CSE1L: variants seen among roughly 807,000 people sequenced by gnomAD.
CSE1L encodes the protein chromosome segregation 1 like, also known as exportin-2.
CSE1L carries 24 observed loss-of-function variants against 120.4 expected under a neutral mutation model. The ratio of observed to expected loss-of-function variants is 0.20; its 90% CI spans 0.14 to 0.28. The LOEUF is 0.28. Ranked by LOEUF, CSE1L falls within the 10% of genes least tolerant of loss-of-function variation. The probability of loss-of-function intolerance (pLI) is 1.00; values close to 1 mark genes in which losing one functional copy is unlikely to be tolerated. For missense variants in CSE1L, 830 were observed against 1,145.2 expected, an observed-to-expected ratio of 0.72 and a Z score of 3.97; for synonymous variants, 402 against 398.3, an observed-to-expected ratio of 1.01 and a Z score of -0.11.
intron 14 of CSE1L, among the ~76,000 whole-genome samples, chr20:49,081,978 T>A (rs1002209712): frequency 1.3e-5 from 2 of 152,218 alleles, no homozygotes; most frequent in African/African-American, 4.8e-5. Flanking sequence ...CCTTTCTCTC[T>A]ATAGGTAATT....
At chr20:49,080,261 ATTTTTTTTGTTTTT>A (rs1275646665) in intron 14 of CSE1L, among the ~76,000 whole-genome samples, 2 of 129,158 alleles carry the variant, frequency 1.5e-5, no homozygotes, top group Non-Finnish European at 3.4e-5. Context: ...GTTTTTTTTT[ATTTTTTTTGTTTTT>A]TTTTTTTTGC....
In CSE1L at chr20:49,068,730, T is replaced by C; in HGVS notation, c.583T>C (p.Cys195Arg). The change falls in exon 7 of 25, where the codon TGC becomes CGC. Residue 195 changes from cysteine to arginine, a missense_variant. By Grantham distance (180) the Cys-to-Arg change is radical (BLOSUM62 -3). This residue lies in a region of CSE1L where 543 missense variants were observed against 640.2 expected (regional missense o/e 0.85). Coordinates refer to ENST00000262982, the MANE Select transcript of CSE1L (RefSeq NM_001316.4). Reference protein sequence around the residue: ...TNLFKATIELCSTHANDASAL... With the variant: ...TNLFKATIELRSTHANDASAL... Reference sequence around the variant, plus strand: ...CCTTTCCAAGGCCACTATTGAACTCTGCAGTACCCATGCAAATGATGCCTC... The same window carrying C: ...CCTTTCCAAGGCCACTATTGAACTCCGCAGTACCCATGCAAATGATGCCTC... 1 of 1,613,534 alleles carries C rather than the reference T, an allele frequency of 6.2e-7. No individual in the cohort carries two copies. The highest frequency in any genetic ancestry group is 8.5e-7 in the Non-Finnish European group (1 of 1,179,376).
chr20:49,066,441 A>C lies in CSE1L; in HGVS notation c.407A>C (p.Asn136Thr). Residue 136 changes from asparagine (N) to threonine (T), a missense_variant, in exon 5 of 25, where the codon AAT becomes ACT. Transcript: ENST00000262982. ...CCTGACTTGCTGACAGAAATGGTGA[A>C]TCGCTTTCAGAGTGGAGATTTCCAT... Reference protein sequence around the residue: ...KWPDLLTEMVNRFQSGDFHVI... With the variant: ...KWPDLLTEMVTRFQSGDFHVI... 3 of 1,614,190 alleles carry C rather than the reference A, an allele frequency of 1.9e-6. No homozygotes were observed. Among genetic ancestry groups the C allele is most frequent in the Non-Finnish European group, 2.5e-6 (3 of 1,179,998 alleles).
Position 49,047,564 on chromosome 20 carries a change from C to CTTTTTT in CSE1L, c.-12+1164_-12+1169dup, listed in dbSNP as rs59986218. 7.8e-3 allele frequency among the ~76,000 whole-genome samples: 546 copies of CTTTTTT among 69,820 alleles called. 28 individuals carry two copies. The highest frequency in any genetic ancestry group is 9.9e-3 in the Non-Finnish European group (380 of 38,480). The allele number at this position is 69,820 out of a possible 152,430, so 45.8% of individuals were successfully genotyped here. On this transcript the variant is annotated intron_variant, in intron 1 of 24. Coordinates refer to ENST00000262982, the MANE Select transcript of CSE1L (RefSeq NM_001316.4). ...TCTTTTTCTTTTTCTTTTCTCTTTT[C>CTTTTTT]TTTTTTTTTTTTTTTTTTTTTTTTT...
rs2091973557 is a variant in CSE1L at position 49,076,997 on chromosome 20, A to T, written c.1353A>T (p.Ala451=). The T allele has an allele frequency of 1.2e-6, 2 of 1,605,420 alleles. No homozygotes were observed. Among genetic ancestry groups the T allele is most frequent in the South Asian group, 2.2e-5 (2 of 89,070 alleles). ...CTTTTCAGCATGGAATTACACAAGCAAATGAACTTGTAAACCTAACTGAGT... is the reference window on the plus strand; with the variant it reads ...CTTTTCAGCATGGAATTACACAAGCTAATGAACTTGTAAACCTAACTGAGT... The part of the protein sequence containing the change: ...AQTQKHGITQ[A]NELVNLTEFF... The change falls in exon 13 of 25, where the codon GCA becomes GCT. Residue 451 remains alanine (A), a synonymous_variant. Transcript: ENST00000262982.
chr20:49,095,884 C>T (rs543064433), intron 24 of CSE1L, among the ~76,000 whole-genome samples: 43 of 151,926 alleles, frequency 2.8e-4, no homozygotes, highest in African/African-American at 9.9e-4. Flanking sequence ...ATGTGTGTGG[C>T]GTGTGTATAT....
intron 7 of CSE1L, among the ~76,000 whole-genome samples, chr20:49,069,344 T>A (rs576344474): frequency 6.6e-5 from 10 of 152,240 alleles, no homozygotes; most frequent in Non-Finnish European, 1.2e-4. Context: ...AGTTACCCTG[T>A]TGCTACTGAG....
chr20:49,073,472 T>C (rs1341681225), intron 10 of CSE1L, among the ~76,000 whole-genome samples: 1 of 151,996 alleles, frequency 6.6e-6, no homozygotes, highest in Non-Finnish European at 1.5e-5. Flanking sequence ...GAACAAGTAA[T>C]GAAGGTGGGA....
Position 49,085,363 on chromosome 20 carries a change from C to A in CSE1L, c.1700C>A (p.Ser567Ter). 6.2e-7 allele frequency: 1 copy of A among 1,613,570 alleles called. No individual in the cohort carries two copies. The highest frequency in any genetic ancestry group is 1.1e-5 in the South Asian group (1 of 91,070). ...LFKALTLPGS[S>*]ENEYIMKAIM... is the part of the protein sequence containing the mutation. ...AAAGCTCTCACACTTCCTGGCTCTTCAGAAAATGAATATATTATGAAAGGT... is the reference window on the plus strand; with the variant it reads ...AAAGCTCTCACACTTCCTGGCTCTTAAGAAAATGAATATATTATGAAAGGT... The change falls in exon 16 of 25, where the codon TCA becomes TAA. Residue 567 changes from serine to a stop codon, truncating the protein, a stop_gained. Transcript: ENST00000262982. LOFTEE classifies it high-confidence loss of function.
rs200581090 is a variant in CSE1L at position 49,066,193 on chromosome 20, T to C, written c.230T>C (p.Val77Ala). ...CCTCAGTTACTGCTTTGCTTTTAGGTTGAAGATGAACCAAACAAAATTTGT... is the reference window on the plus strand; with the variant it reads ...CCTCAGTTACTGCTTTGCTTTTAGGCTGAAGATGAACCAAACAAAATTTGT... ...KNYIKRNWRI[V>A]EDEPNKICEA... is the part of the protein sequence containing the mutation. Residue 77 changes from valine to alanine, a missense_variant and splice_region_variant, in exon 4 of 25, where the codon GTT (valine) becomes GCT (alanine). Val to Ala is a moderately conservative substitution (Grantham distance 64). Coordinates refer to ENST00000262982, the MANE Select transcript of CSE1L (RefSeq NM_001316.4). 2.5e-6 allele frequency: 4 copies of C among 1,613,984 alleles called. No homozygotes were observed. Among genetic ancestry groups the C allele is most frequent in the Non-Finnish European group, 3.4e-6 (4 of 1,179,872 alleles).
intron 8 of CSE1L, 56 bp from the exon 9 acceptor site, chr20:49,072,230 T>C: frequency 6.4e-7 from 1 of 1,571,104 alleles, no homozygotes; most frequent in East Asian, 2.2e-5. Context: ...GTTACTCCTC[T>C]TACTTATGTT....
In CSE1L at chr20:49,058,477, A is replaced by T. The variant is rs753398302; in HGVS notation, c.14A>T (p.Asp5Val). 3.1e-6 allele frequency: 5 copies of T among 1,613,508 alleles called. No homozygotes were observed. Among genetic ancestry groups the T allele is most frequent in the Non-Finnish European group, 4.2e-6 (5 of 1,179,594 alleles). Residue 5 changes from aspartate to valine, a missense_variant, in exon 2 of 25, where the codon GAT becomes GTT. Physicochemically the swap from Asp to Val is radical, Grantham distance 152 (BLOSUM62 -3). Around this residue, in one of 4 missense-constraint regions of CSE1L, gnomAD observed 543 missense variants for 640.2 expected, o/e 0.85. Coordinates refer to ENST00000262982, the MANE Select transcript of CSE1L (RefSeq NM_001316.4). Reference sequence around the variant, plus strand: ...GATCCTATAGCAATGGAACTCAGCGATGCAAATCTGCAAACACTAACAGAA... The same window carrying T: ...GATCCTATAGCAATGGAACTCAGCGTTGCAAATCTGCAAACACTAACAGAA... MELSDANLQTLTEYL... is the reference protein window; with the variant it reads MELSVANLQTLTEYL...
intron 17 of CSE1L, 107 bp from the exon 18 acceptor site, chr20:49,089,140 T>A: frequency 9.7e-7 from 1 of 1,033,084 alleles, no homozygotes; most frequent in South Asian, 2.2e-5. Context: ...GGTGTTTTTT[T>A]CTTAATTTTG....
In CSE1L at chr20:49,058,564, G is replaced by T. The variant is rs748306421; in HGVS notation, c.85+16G>T. On this transcript the variant is annotated intron_variant, in intron 2 of 24. Transcript: ENST00000262982. ...CGACGTCCAGGTAAAGAAAATAAAC[G>T]TTTTTTGGTTGATTAATTCCTTCAG... 2 of 1,602,886 alleles carry T rather than the reference G, an allele frequency of 1.2e-6. No homozygotes were observed. The highest frequency in any genetic ancestry group is 1.1e-5 in the South Asian group (1 of 90,666).
At chr20:49,060,690 C>T (rs568226937) in intron 2 of CSE1L, among the ~76,000 whole-genome samples, 3 of 151,638 alleles carry the variant, frequency 2.0e-5, no homozygotes, top group East Asian at 1.9e-4. Context: ...GTGCAAGAAT[C>T]GCTTGAACCC....
At chr20:49,080,521 G>A (rs190232896) in intron 14 of CSE1L, among the ~76,000 whole-genome samples, 3 of 152,160 alleles carry the variant, frequency 2.0e-5, no homozygotes, top group East Asian at 3.9e-4. Flanking sequence ...TTTCGCTCTC[G>A]TTGCCCAGGC....
intron 1 of CSE1L, among the ~76,000 whole-genome samples, chr20:49,055,649 G>T (rs2091800728): frequency 6.6e-6 from 1 of 152,134 alleles, no homozygotes; most frequent in Non-Finnish European, 1.5e-5. Context: ...AGCCCTGGAG[G>T]TTGAGGCTGT....
chr20:49,090,977 C>G lies in CSE1L; in HGVS notation c.2320C>G (p.Leu774Val). The G allele has an allele frequency of 1.2e-6, 2 of 1,610,886 alleles. No homozygotes were observed. The highest frequency in any genetic ancestry group is 1.7e-6 in the Non-Finnish European group (2 of 1,177,638). Residue 774 changes from leucine (L) to valine (V), a missense_variant, in exon 21 of 25, where the codon CTA becomes GTA. Physicochemically the swap from Leu to Val is conservative, Grantham distance 32 (BLOSUM62 1). Coordinates refer to ENST00000262982, the MANE Select transcript of CSE1L (RefSeq NM_001316.4). The part of the protein sequence containing the change: ...DQYRKQIFIL[L>V]FQRLQNSKTT... ...ATATAGGAAACAAATCTTCATTCTG[C>G]TATTCCAGAGACTTCAGAATTCCAA...
intron 2 of CSE1L, among the ~76,000 whole-genome samples, chr20:49,062,620 C>G (rs2091861052): frequency 6.6e-6 from 1 of 151,846 alleles, no homozygotes; most frequent in African/African-American, 2.4e-5. Flanking sequence ...AGTAGTGAAG[C>G]CTAGCTGTGT....
Sources: gnomAD v4.1 joint callset for allele counts (sites outside exome capture counted in the v4.1 genomes callset) on GRCh38, gnomAD v4.1.1 for gene constraint, gnomAD v4.1.1 regional missense constraint, MANE v1.5 for transcripts, NCBI Gene and HGNC (gene_info 2026-07-23, HGNC 2026-07-21) for gene names.